The following EYS variants were observed in gnomAD, a reference collection of about 807,000 sequenced individuals.
The protein encoded by EYS is EGF-like photoreceptor maintenance factor.
A neutral mutation model predicts 282.1 loss-of-function variants in EYS; 250 were observed. That is an observed-to-expected ratio of 0.89 (90% CI 0.80 to 0.98). The LOEUF (loss-of-function observed/expected upper bound fraction) is 0.98, where lower values mean the gene tolerates loss of function less well. Ranked by LOEUF, EYS falls within the 50% of genes least tolerant of loss-of-function variation. The pLI is 0.00. For synonymous variants in EYS, 1,355 were observed against 1,282.9 expected (o/e 1.06, Z -1.20); for missense variants, 4,016 against 3,709.0 (o/e 1.08, Z -2.15).
At chr6:64,504,114 G>A (rs1777136661) in intron 26 of EYS, among the ~76,000 whole-genome samples, 1 of 152,248 alleles carries the variant, frequency 6.6e-6, no homozygotes, top group East Asian at 1.9e-4. Flanking sequence ...CTATAACAGT[G>A]TGAGAGGAGA....
chr6:64,352,776 A>T (rs560343011), intron 29 of EYS, among the ~76,000 whole-genome samples: 1 of 151,682 alleles, frequency 6.6e-6, no homozygotes, highest in South Asian at 2.1e-4. Context: ...TTATTCGAAG[A>T]GTAATAATTG....
chr6:64,230,263 T>C (rs1306076355), intron 31 of EYS, among the ~76,000 whole-genome samples: 1 of 152,192 alleles, frequency 6.6e-6, no homozygotes, highest in Non-Finnish European at 1.5e-5. Flanking sequence ...AATTAGAACC[T>C]AATTGTCTCT....
intron 33 of EYS, among the ~76,000 whole-genome samples, chr6:64,005,732 T>C (rs1324179414): frequency 6.6e-6 from 1 of 152,158 alleles, no homozygotes; most frequent in East Asian, 1.9e-4. Context: ...GGGAGTCCTT[T>C]CCCATTGCTT....
chr6:64,636,014 C>T (rs1767966575), intron 22 of EYS, among the ~76,000 whole-genome samples: 1 of 152,050 alleles, frequency 6.6e-6, no homozygotes, highest in Non-Finnish European at 1.5e-5. Context: ...TGTTATTGGT[C>T]TATTCAGAGA....
chr6:64,216,622 C>T (rs1380163755), intron 31 of EYS, among the ~76,000 whole-genome samples: 3 of 152,162 alleles, frequency 2.0e-5, no homozygotes, highest in Non-Finnish European at 4.4e-5. Context: ...TAACAATCCC[C>T]GTCTTGGATT....
intron 5 of EYS, among the ~76,000 whole-genome samples, chr6:65,420,526 G>T (rs759242676): frequency 6.8e-6 from 1 of 146,750 alleles, no homozygotes; most frequent in Non-Finnish European, 1.5e-5. Flanking sequence ...ACCCATGAAG[G>T]TTGGAATTAC....
intron 26 of EYS, among the ~76,000 whole-genome samples, chr6:64,566,875 A>G (rs577852005): frequency 5.9e-5 from 9 of 152,056 alleles, no homozygotes; most frequent in Non-Finnish European, 1.2e-4. Context: ...CACAGTTCAC[A>G]TGATTCTCCT....
At chr6:65,562,392 T>C (rs1245025545) in intron 2 of EYS, among the ~76,000 whole-genome samples, 3 of 152,050 alleles carry the variant, frequency 2.0e-5, no homozygotes, top group Admixed American at 6.6e-5. Flanking sequence ...CTATAACTTA[T>C]TGTAGTGTAT....
At chr6:63,763,839 A>G (rs1156872377) in intron 40 of EYS, among the ~76,000 whole-genome samples, 1 of 147,450 alleles carries the variant, frequency 6.8e-6, no homozygotes, top group Non-Finnish European at 1.5e-5. Context: ...CTTTAAATAA[A>G]TAATATTTGA....
At chr6:64,222,963 AT>A (rs1354877966) in intron 31 of EYS, among the ~76,000 whole-genome samples, 1 of 151,906 alleles carries the variant, frequency 6.6e-6, no homozygotes, top group Non-Finnish European at 1.5e-5. Context: ...ACTCATAAAA[AT>A]CATTCTTATA....
chr6:63,731,578 A>G (rs1260422204), intron 41 of EYS, among the ~76,000 whole-genome samples: 2 of 152,144 alleles, frequency 1.3e-5, no homozygotes, highest in Non-Finnish European at 1.5e-5. Context: ...CTCAACACAT[A>G]GTTATGTATA....
chr6:64,347,968 G>C lies in EYS; in HGVS notation c.6078+40722C>G, dbSNP rs936061354. 2.6e-5 allele frequency among the ~76,000 whole-genome samples: 4 copies of C among 151,308 alleles called. No individual in the cohort carries two copies. The South Asian group carries it at 8.3e-4, about 31-fold the overall frequency. Reference sequence around the variant, plus strand: ...TACACATTTTTGTATTAAAGATAAAGATACACATTTTTGTATTAAAGATAA... The same window carrying C: ...TACACATTTTTGTATTAAAGATAAACATACACATTTTTGTATTAAAGATAA... On this transcript the variant is annotated intron_variant, in intron 29 of 42. Coordinates refer to ENST00000503581, the MANE Select transcript of EYS (RefSeq NM_001142800.2).
intron 2 of EYS, among the ~76,000 whole-genome samples, chr6:65,598,834 C>A (rs147425994): frequency 2.0e-5 from 3 of 152,028 alleles, no homozygotes; most frequent in Admixed American, 2.0e-4. Flanking sequence ...TATCCTTGAA[C>A]GTATTATTTA....
intron 30 of EYS, among the ~76,000 whole-genome samples, chr6:64,253,587 GT>G (rs1006353314): frequency 6.6e-6 from 1 of 152,108 alleles, no homozygotes; most frequent in Non-Finnish European, 1.5e-5. Flanking sequence ...AAGCACCAGA[GT>G]TTTTTTAGCT....
chr6:64,779,249 T>C (rs563740614), intron 22 of EYS, among the ~76,000 whole-genome samples: 2 of 152,276 alleles, frequency 1.3e-5, no homozygotes, highest in South Asian at 4.1e-4. Context: ...TAAAATATTC[T>C]TCAGTAGGTG....
intron 31 of EYS, among the ~76,000 whole-genome samples, chr6:64,099,698 G>T (rs1247184673): frequency 6.6e-6 from 1 of 152,058 alleles, no homozygotes; most frequent in African/African-American, 2.4e-5. Context: ...CTGACACTTA[G>T]GAAAGTTTCA....
chr6:63,771,215 A>G (rs573640339), intron 40 of EYS, among the ~76,000 whole-genome samples: 1 of 152,244 alleles, frequency 6.6e-6, no homozygotes, highest in African/African-American at 2.4e-5. Context: ...TGGACTACAA[A>G]ATAAGATGAT....
intron 29 of EYS, among the ~76,000 whole-genome samples, chr6:64,373,392 T>G (rs1192987944): frequency 6.6e-6 from 1 of 152,228 alleles, no homozygotes; most frequent in Non-Finnish European, 1.5e-5. Flanking sequence ...ACAAGGATCC[T>G]TCAGGCAGGG....
At chr6:64,343,945 A>G (rs181767013) in intron 29 of EYS, among the ~76,000 whole-genome samples, 1,987 of 152,302 alleles carry the variant, frequency 0.013, 43 homozygotes, top group African/African-American at 0.045. Flanking sequence ...CAAATAAACT[A>G]GAAAATCTAG....
Sources: gnomAD v4.1 joint callset for allele counts (sites outside exome capture counted in the v4.1 genomes callset) on GRCh38, gnomAD v4.1.1 for gene constraint, MANE v1.5 for transcripts, NCBI Gene and HGNC (gene_info 2026-07-23, HGNC 2026-07-21) for gene names.